GRM7: variants seen among roughly 807,000 people sequenced by gnomAD.
The protein encoded by GRM7 is glutamate metabotropic receptor 7, also known as metabotropic glutamate receptor 7.
Under a neutral mutation model 84.5 loss-of-function variants are expected in GRM7, and 35 were observed. The observed-to-expected ratio is 0.41, with a 90% confidence interval of 0.32 to 0.55. The LOEUF (loss-of-function observed/expected upper bound fraction) is 0.55, where lower values mean the gene tolerates loss of function less well. Ranked by LOEUF, GRM7 falls within the 20% of genes least tolerant of loss-of-function variation. The probability of loss-of-function intolerance (pLI) is 0.19; values close to 1 mark genes in which losing one functional copy is unlikely to be tolerated. For missense variants in GRM7, 1,003 were observed against 1,194.6 expected (o/e 0.84, Z 2.36); for synonymous variants, 487 against 455.1 (o/e 1.07, Z -0.89).
rs1694758829 is a variant in GRM7 at position 6,861,620 on chromosome 3, A to C, written c.232A>C (p.Arg78=). The stretch of plus-strand genomic sequence containing the variant: ...CATCAAGAGGGAAAACGGGATCCAC[A>C]GGCTGGAAGCGATGCTCTACGCCCT... ...GDIKRENGIH[R]LEAMLYALDQ... The change falls in exon 1 of 10, where the codon AGG becomes CGG. Residue 78 remains arginine, a synonymous_variant. Transcript: ENST00000357716. This position sits in a 1 kb window ranked among gnomAD's most constrained non-coding sequence, Gnocchi z 6.4. The C allele has an allele frequency of 5.0e-6, 8 of 1,612,962 alleles. No individual in the cohort carries two copies. In the South Asian group the frequency reaches 7.7e-5, roughly 16 times the overall value.
intron 1 of GRM7, among the ~76,000 whole-genome samples, chr3:7,000,342 G>GTTATT (rs750263659): frequency 9.2e-5 from 14 of 151,698 alleles, no homozygotes; most frequent in South Asian, 2.1e-4. Context: ...TGGCTAATAT[G>GTTATT]TTATTTTATT....
chr3:7,706,794 T>G (rs1701402523), intron 9 of GRM7, among the ~76,000 whole-genome samples: 1 of 152,128 alleles, frequency 6.6e-6, no homozygotes, highest in East Asian at 1.9e-4. Flanking sequence ...AGTCTTTAGT[T>G]TGACTGACAC....
intron 2 of GRM7, among the ~76,000 whole-genome samples, chr3:7,147,368 C>T (rs1222942870): frequency 1.3e-5 from 2 of 152,066 alleles, no homozygotes; most frequent in Non-Finnish European, 2.9e-5. Context: ...TTCAGGTTTC[C>T]CCATATGGAT....
At chr3:7,099,474 CAT>C (rs900270528) in intron 1 of GRM7, among the ~76,000 whole-genome samples, 9 of 144,760 alleles carry the variant, frequency 6.2e-5, no homozygotes, top group South Asian at 2.1e-4. Flanking sequence ...TACATATACA[CAT>C]ATATGTATAT....
intron 4 of GRM7, among the ~76,000 whole-genome samples, chr3:7,340,900 T>C (rs1227413977): frequency 1.3e-5 from 2 of 152,046 alleles, no homozygotes; most frequent in Non-Finnish European, 2.9e-5. Context: ...CTGCATCAAG[T>C]CTAGAACTGG....
At chr3:6,894,626 G>A (rs1043486659) in intron 1 of GRM7, among the ~76,000 whole-genome samples, 3 of 152,064 alleles carry the variant, frequency 2.0e-5, no homozygotes, top group African/African-American at 7.2e-5. Context: ...ATACACACAT[G>A]TGCACACATA....
At chr3:7,087,431 G>A (rs951918694) in intron 1 of GRM7, among the ~76,000 whole-genome samples, 11 of 150,018 alleles carry the variant, frequency 7.3e-5, no homozygotes, top group African/African-American at 2.5e-4. Context: ...ATTACTTGTA[G>A]GTCTCATGAC....
intron 1 of GRM7, among the ~76,000 whole-genome samples, chr3:6,885,272 C>A (rs542407455): frequency 2.0e-5 from 3 of 152,158 alleles, no homozygotes; most frequent in African/African-American, 7.2e-5. Flanking sequence ...AGGGCTACCC[C>A]CTAGGCAGCG....
At chr3:7,265,096 A>C (rs1698589461) in intron 2 of GRM7, among the ~76,000 whole-genome samples, 1 of 152,218 alleles carries the variant, frequency 6.6e-6, no homozygotes, top group African/African-American at 2.4e-5. Context: ...AGATTTTTGT[A>C]ATTTCTTCCC....
intron 1 of GRM7, among the ~76,000 whole-genome samples, chr3:6,888,260 C>A (rs1695783492): frequency 6.6e-6 from 1 of 152,180 alleles, no homozygotes; most frequent in Middle Eastern, 3.4e-3. Flanking sequence ...TCAATTTTGT[C>A]TTTTGTTGCC....
chr3:7,130,468 G>A (rs759614867), intron 1 of GRM7, among the ~76,000 whole-genome samples: 8 of 151,514 alleles, frequency 5.3e-5, no homozygotes, highest in African/African-American at 9.7e-5. Context: ...ATGTAAACCC[G>A]GGAGGTGGAG....
intron 1 of GRM7, among the ~76,000 whole-genome samples, chr3:6,921,510 G>A (rs564992792): frequency 6.6e-6 from 1 of 152,070 alleles, no homozygotes; most frequent in African/African-American, 2.4e-5. Flanking sequence ...CTATTAAAAC[G>A]TGTGGATCCA....
chr3:7,570,725 C>T (rs1694613158), intron 7 of GRM7, among the ~76,000 whole-genome samples: 1 of 152,198 alleles, frequency 6.6e-6, no homozygotes, highest in African/African-American at 2.4e-5. Context: ...GCCCTTTTCT[C>T]ACAGCCCCAC....
At chr3:7,321,745 C>T (rs1178017073) in intron 4 of GRM7, among the ~76,000 whole-genome samples, 1 of 150,210 alleles carries the variant, frequency 6.7e-6, no homozygotes, top group African/African-American at 2.4e-5. Context: ...AAATTTCTGT[C>T]TGATGTTTTA....
intron 2 of GRM7, among the ~76,000 whole-genome samples, chr3:7,235,231 GTGTT>G (rs1697313279): frequency 6.6e-6 from 1 of 152,158 alleles, no homozygotes; most frequent in Admixed American, 6.5e-5. Context: ...GATGTCCTGA[GTGTT>G]TGTACAGAGC....
chr3:7,264,008 G>T (rs576421271), intron 2 of GRM7, among the ~76,000 whole-genome samples: 1 of 152,106 alleles, frequency 6.6e-6, no homozygotes, highest in African/African-American at 2.4e-5. Context: ...AGGCAGGCTG[G>T]TGTGTCTGTA....
At chr3:7,291,776 T>C (rs145009512) in intron 2 of GRM7, among the ~76,000 whole-genome samples, 144 of 152,244 alleles carry the variant, frequency 9.5e-4, no homozygotes, top group African/African-American at 3.3e-3. Flanking sequence ...TCAGCAAAGA[T>C]GGGAGAGGGA....
At chr3:7,450,694 T>A (rs1311039308) in intron 5 of GRM7, among the ~76,000 whole-genome samples, 1 of 149,976 alleles carries the variant, frequency 6.7e-6, no homozygotes, top group Non-Finnish European at 1.5e-5. Context: ...AATAGCTGCA[T>A]AAATTCATGA....
chr3:6,951,871 C>T (rs188975832), intron 1 of GRM7, among the ~76,000 whole-genome samples: 2 of 152,232 alleles, frequency 1.3e-5, no homozygotes, highest in African/African-American at 4.8e-5. Context: ...TATTTTGTAG[C>T]TCTGTTTTTT....
Sources: gnomAD v4.1 joint callset for allele counts (sites outside exome capture counted in the v4.1 genomes callset) on GRCh38, gnomAD v4.1.1 for gene constraint, Gnocchi (gnomAD v3.1) non-coding constraint, MANE v1.5 for transcripts, NCBI Gene and HGNC (gene_info 2026-07-23, HGNC 2026-07-21) for gene names.